INTS9: variants seen among roughly 807,000 people sequenced by gnomAD.
INTS9 encodes the protein protein related to CPSF subunits of 74 kDa.
Under a neutral mutation model 79.7 loss-of-function variants are expected in INTS9, and 55 were observed. That is an observed-to-expected ratio of 0.69 (90% CI 0.56 to 0.86). INTS9 has a LOEUF of 0.86. Ranked by LOEUF, INTS9 falls within the 40% of genes least tolerant of loss-of-function variation. The pLI is 0.00. For synonymous variants in INTS9, 319 were observed against 325.2 expected (o/e 0.98, Z 0.20); for missense variants, 721 against 831.5 (o/e 0.87, Z 1.64).
At chr8:28,796,316 ACC>A (rs1378929008) in intron 9 of INTS9, among the ~76,000 whole-genome samples, 1 of 152,142 alleles carries the variant, frequency 6.6e-6, no homozygotes, top group African/African-American at 2.4e-5. Context: ...CTCAAAAACA[ACC>A]ACACAAACAT....
Position 28,798,825 on chromosome 8 carries a change from A to T in INTS9, c.745-2170T>A, listed in dbSNP as rs146102117. Among the ~76,000 whole-genome samples, 109 of 152,222 alleles carry T rather than the reference A, an allele frequency of 7.2e-4. 1 individual carries two copies. Among genetic ancestry groups the T allele is most frequent in the Admixed American group, 2.4e-3 (37 of 15,288 alleles). ...CTGTGTATACTTTTCCATAAATTTA[A>T]CTGGGTGGTGAAATGGGGCCATGAC... is the stretch of plus-strand genomic sequence containing the variant. On this transcript the variant is annotated intron_variant, in intron 8 of 16. Transcript: ENST00000521022.
chr8:28,790,160 C>G (rs565734511), intron 10 of INTS9, among the ~76,000 whole-genome samples: 1 of 152,132 alleles, frequency 6.6e-6, no homozygotes, highest in South Asian at 2.1e-4. Flanking sequence ...AACAGCAGGC[C>G]GGGCCTGAGG....
chr8:28,823,361 G>A (rs911658160), intron 6 of INTS9, among the ~76,000 whole-genome samples: 5 of 151,932 alleles, frequency 3.3e-5, no homozygotes, highest in African/African-American at 1.2e-4. Flanking sequence ...AATGGAGTTC[G>A]AGAAAAACCT....
At chr8:28,771,867 CT>C (rs879665056) in intron 14 of INTS9, among the ~76,000 whole-genome samples, 178 of 146,772 alleles carry the variant, frequency 1.2e-3, no homozygotes, top group African/African-American at 2.5e-3. Context: ...CTGAAGGAGT[CT>C]TTTTTTTTTT....
chr8:28,870,647 A>C (rs1240938984), intron 1 of INTS9, among the ~76,000 whole-genome samples: 1 of 152,172 alleles, frequency 6.6e-6, no homozygotes. Context: ...CAATGGTTCA[A>C]GTTTCAAGGT....
chr8:28,773,029 G>C (rs1373005689), intron 14 of INTS9, among the ~76,000 whole-genome samples: 3 of 152,184 alleles, frequency 2.0e-5, no homozygotes, highest in African/African-American at 7.2e-5. Context: ...GAGCCAGAAA[G>C]GGATGTTCAT....
At chr8:28,821,120 A>C (rs980547674) in intron 6 of INTS9, among the ~76,000 whole-genome samples, 7 of 152,320 alleles carry the variant, frequency 4.6e-5, no homozygotes, top group African/African-American at 1.7e-4. Context: ...TCCTGCTATC[A>C]CAGATGGCAA....
intron 1 of INTS9, among the ~76,000 whole-genome samples, chr8:28,872,997 C>T (rs1442047879): frequency 2.6e-5 from 4 of 151,398 alleles, no homozygotes; most frequent in Non-Finnish European, 5.9e-5. Context: ...TTCTTTATGC[C>T]TCTCAGGACT....
chr8:28,834,676 G>GT (rs35112754), intron 6 of INTS9, among the ~76,000 whole-genome samples: 12,387 of 134,058 alleles, frequency 0.092, 692 homozygotes, highest in East Asian at 0.27. Flanking sequence ...GCAAACATCT[G>GT]TTTTTTTTTT....
chr8:28,836,284 G>A (rs1390254649), intron 5 of INTS9, among the ~76,000 whole-genome samples: 1 of 152,204 alleles, frequency 6.6e-6, no homozygotes, highest in African/African-American at 2.4e-5. Flanking sequence ...AGGAATCTAA[G>A]AAATGCTGCG....
rs757771977 is a variant in INTS9, at chr8:28,768,140, G to A, written c.*6C>T. 3 of 1,613,758 alleles carry A rather than the reference G, an allele frequency of 1.9e-6. No individual in the cohort carries two copies. Among genetic ancestry groups the A allele is most frequent in the African/African-American group, 1.3e-5 (1 of 75,038 alleles). ...GGATTTCAGGGAAGTAGCTCAGATG[G>A]CCCACTCAGAACTTCTGTAAGAATT... On this transcript the variant is annotated 3_prime_UTR_variant, in exon 17 of 17. Transcript: ENST00000521022.
chr8:28,776,427 GT>G (rs72163162), intron 13 of INTS9, among the ~76,000 whole-genome samples: 53 of 85,364 alleles, frequency 6.2e-4, no homozygotes, highest in South Asian at 2.5e-3. Context: ...CAGAGGCAGA[GT>G]TTTTTTTTTT....
intron 1 of INTS9, among the ~76,000 whole-genome samples, chr8:28,869,536 TTCTGAGATGCTGGCTTCCACTGAGCCAAA>T (rs1161499361): frequency 6.6e-6 from 1 of 152,216 alleles, no homozygotes; most frequent in Admixed American, 6.5e-5. Flanking sequence ...TATTACTCCA[TTCTGAGATGCTGGCTTCCACTGAGCCAAA>T]TTTGCCTAAT....
intron 6 of INTS9, among the ~76,000 whole-genome samples, chr8:28,821,286 T>A (rs1352975100): frequency 2.6e-5 from 4 of 152,048 alleles, no homozygotes; most frequent in Non-Finnish European, 5.9e-5. Context: ...AGAATCATGG[T>A]GGGAGGTGAA....
rs73669441 is a variant in INTS9 at position 28,775,695 on chromosome 8, T to G, written c.1563+64A>C. 566 of 1,551,578 alleles carry G rather than the reference T, an allele frequency of 3.6e-4. 2 individuals are homozygous for G. In the African/African-American group the frequency reaches 6.4e-3, roughly 18 times the overall value. On this transcript the variant is annotated intron_variant, in intron 14 of 16. Coordinates refer to ENST00000521022, the MANE Select transcript of INTS9 (RefSeq NM_018250.4). ...CATAAATCCAAAAGAAGGCCACCCC[T>G]GCACGATCTCCAAGAGCCTCTGTGG...
At chr8:28,887,481 T>C (rs1810232917) in intron 1 of INTS9, among the ~76,000 whole-genome samples, 1 of 152,182 alleles carries the variant, frequency 6.6e-6, no homozygotes, top group Admixed American at 6.5e-5. Flanking sequence ...TGGTCATAGA[T>C]TGTGTGTGGG....
At chr8:28,817,071 T>C (rs1337215931) in intron 6 of INTS9, among the ~76,000 whole-genome samples, 1 of 149,550 alleles carries the variant, frequency 6.7e-6, no homozygotes, top group Non-Finnish European at 1.5e-5. Flanking sequence ...GTCAGATGAG[T>C]AGGTTGCGAA....
At chr8:28,882,532 T>TAAAAAAAAAAAAAAAAAAAA (rs369293166) in intron 1 of INTS9, among the ~76,000 whole-genome samples, 1 of 63,290 alleles carries the variant, frequency 1.6e-5, no homozygotes, top group Non-Finnish European at 3.1e-5. Context: ...TATTAACAGC[T>TAAAAAAAAAAAAAAAAAAAA]AAAAAAAAAA....
chr8:28,854,676 T>C (rs547374565), intron 2 of INTS9, among the ~76,000 whole-genome samples: 8 of 152,070 alleles, frequency 5.3e-5, no homozygotes, highest in Non-Finnish European at 1.2e-4. Flanking sequence ...AGCAAAACAC[T>C]CCCTCCTCCT....
Sources: gnomAD v4.1 joint callset for allele counts (sites outside exome capture counted in the v4.1 genomes callset) on GRCh38, gnomAD v4.1.1 for gene constraint, MANE v1.5 for transcripts, NCBI Gene and HGNC (gene_info 2026-07-23, HGNC 2026-07-21) for gene names.